Variants in EPM2A observed in about 807,000 individuals in gnomAD.
EPM2A encodes the protein laforin.
In EPM2A, 21 loss-of-function variants were observed where a neutral mutation model predicts 26.5. The ratio of observed to expected loss-of-function variants is 0.79; its 90% CI spans 0.56 to 1.14. EPM2A has a LOEUF of 1.14. Among genes scored for constraint, EPM2A ranks in the 50% most tolerant of loss-of-function variants. The pLI is 0.00. For synonymous variants in EPM2A, 217 were observed against 177.6 expected (o/e 1.22, Z -1.76); for missense variants, 458 against 440.8 (o/e 1.04, Z -0.35).
chr6:145,570,164 C>A (rs908910261), intron 2 of EPM2A, among the ~76,000 whole-genome samples: 4 of 152,106 alleles, frequency 2.6e-5, no homozygotes, highest in Non-Finnish European at 4.4e-5. Flanking sequence ...AAATGTTAAT[C>A]TCCTTTAGGG....
rs1302699842 is a variant in EPM2A, at chr6:145,422,258, CTA to C, written c.556-38163_556-38162del. ...TTGTATACATGATATATAAATATAA[CTA>C]TATATAATTATAGATTTGTATAATT... is the stretch of plus-strand genomic sequence containing the variant. On this transcript the variant is annotated intron_variant, in intron 4 of 4. Coordinates refer to the EPM2A transcript ENST00000638717. Among the ~76,000 whole-genome samples the C allele has an allele frequency of 2.8e-5, 4 of 145,190 alleles. No individual in the cohort carries two copies. The Admixed American group carries it at 2.8e-4, about 10-fold the overall frequency.
chr6:145,580,047 T>C (rs1165629867), intron 2 of EPM2A, among the ~76,000 whole-genome samples: 1 of 152,176 alleles, frequency 6.6e-6, no homozygotes, highest in Non-Finnish European at 1.5e-5. Context: ...TCTTAAAATT[T>C]TTTTAAAGAT....
intron 2 of EPM2A, among the ~76,000 whole-genome samples, chr6:145,595,851 G>A (rs1433283882): frequency 6.6e-6 from 1 of 151,784 alleles, no homozygotes; most frequent in Non-Finnish European, 1.5e-5. Flanking sequence ...GTCTTGGCTA[G>A]CATTTTCAGA....
intron 4 of EPM2A, among the ~76,000 whole-genome samples, chr6:145,434,711 A>C (rs1459051667): frequency 2.0e-5 from 3 of 152,180 alleles, no homozygotes; most frequent in Non-Finnish European, 4.4e-5. Context: ...CACCACCACT[A>C]TCTAATGCCA....
Position 145,597,467 on chromosome 6 carries a change from AT to A in EPM2A, c.340+37777del, listed in dbSNP as rs1177054458. 2.0e-3 allele frequency among the ~76,000 whole-genome samples: 275 copies of A among 140,126 alleles called. 1 individual carries two copies. The highest frequency in any genetic ancestry group is 7.2e-3 in the African/African-American group (271 of 37,440). The allele number at this position is 140,126 out of a possible 152,430, so 91.9% of individuals were successfully genotyped here. ...CAGATCCTTTGTATGTGACCTGTTT[AT>A]TTTTTTTTCTTTTTTTTGGTAAGTT... is the stretch of plus-strand genomic sequence containing the variant. On this transcript the variant is annotated intron_variant, in intron 2 of 3. Coordinates refer to the EPM2A transcript ENST00000450221.
intron 1 of EPM2A, among the ~76,000 whole-genome samples, chr6:145,697,044 C>G (rs1039163226): frequency 2.6e-5 from 4 of 151,952 alleles, no homozygotes; most frequent in Non-Finnish European, 4.4e-5. Flanking sequence ...TAACTTGGTG[C>G]ATAATAGGTT....
chr6:145,661,071 GA>G (rs1778670792), intron 2 of EPM2A, among the ~76,000 whole-genome samples: 1 of 152,074 alleles, frequency 6.6e-6, no homozygotes, highest in African/African-American at 2.4e-5. Flanking sequence ...CAGAGGCCCT[GA>G]AAAACAAAGT....
At position 145,560,235 on chromosome 6, in the gene EPM2A, C is replaced by A. The variant is rs185601617; in HGVS notation, c.341-57660G>T. ...CATTTCTGCTTAGGCTATATTCCAC[C>A]AATTTTGAATCTTTTCGATGCAATC... On this transcript the variant is annotated intron_variant, in intron 2 of 3. Coordinates refer to the EPM2A transcript ENST00000450221. Among the ~76,000 whole-genome samples, 1,171 of 152,198 alleles carry A rather than the reference C, an allele frequency of 7.7e-3. 16 individuals carry two copies. Among genetic ancestry groups the A allele is most frequent in the African/African-American group, 0.027 (1,115 of 41,524 alleles).
At chr6:145,412,225 A>AAAG (rs1043408882) in intron 4 of EPM2A, among the ~76,000 whole-genome samples, 5 of 151,960 alleles carry the variant, frequency 3.3e-5, no homozygotes. Flanking sequence ...AAAAAAAAAA[A>AAAG]AAAAAAAATT....
chr6:145,649,708 T>G (rs749506698), intron 2 of EPM2A, among the ~76,000 whole-genome samples: 1 of 152,218 alleles, frequency 6.6e-6, no homozygotes, highest in Non-Finnish European at 1.5e-5. Flanking sequence ...TTCCACCTAT[T>G]TTTGTAAATA....
rs540046961 is a variant in EPM2A, at chr6:145,531,377, G to A, written c.341-28802C>T. ...TTCTTAAAAATATGCTCAAAACACA[G>A]AAAGGGGGATTATGGGTAAAGACCC... On this transcript the variant is annotated intron_variant, in intron 2 of 3. Coordinates refer to the EPM2A transcript ENST00000450221. Among the ~76,000 whole-genome samples the A allele has an allele frequency of 2.4e-3, 361 of 152,250 alleles. 1 individual carries two copies. Among genetic ancestry groups the A allele is most frequent in the African/African-American group, 8.5e-3 (352 of 41,546 alleles).
intron 4 of EPM2A, among the ~76,000 whole-genome samples, chr6:145,386,811 A>C (rs1778268148): frequency 6.6e-6 from 1 of 152,212 alleles, no homozygotes; most frequent in South Asian, 2.1e-4. Flanking sequence ...GATAATCTTA[A>C]ACCAAATTTT....
At chr6:145,728,174 T>G (rs1776305717) in intron 1 of EPM2A, among the ~76,000 whole-genome samples, 1 of 152,212 alleles carries the variant, frequency 6.6e-6, no homozygotes, top group Non-Finnish European at 1.5e-5. Context: ...TCACTCAGTC[T>G]TAGGTCATTC....
intron 4 of EPM2A, among the ~76,000 whole-genome samples, chr6:145,429,098 A>T (rs1171579204): frequency 6.6e-6 from 1 of 152,220 alleles, no homozygotes; most frequent in Non-Finnish European, 1.5e-5. Context: ...TATTGTAGAC[A>T]TGAATATTAA....
At chr6:145,557,628 T>C (rs1016358025) in intron 2 of EPM2A, among the ~76,000 whole-genome samples, 1 of 152,134 alleles carries the variant, frequency 6.6e-6, no homozygotes, top group Non-Finnish European at 1.5e-5. Flanking sequence ...ATAGAAATTG[T>C]GTATATTTAC....
At chr6:145,641,796 G>GA (rs1777102595) in intron 2 of EPM2A, among the ~76,000 whole-genome samples, 1 of 152,068 alleles carries the variant, frequency 6.6e-6, no homozygotes, top group South Asian at 2.1e-4. Context: ...TCACATGAGG[G>GA]AAAAGATCAC....
chr6:145,547,119 A>C (rs956965984), intron 2 of EPM2A, among the ~76,000 whole-genome samples: 27 of 152,136 alleles, frequency 1.8e-4, no homozygotes, highest in African/African-American at 5.3e-4. Context: ...GGACTTGCTG[A>C]CAGCTATAAA....
chr6:145,424,986 C>CTACT (rs1554235690), intron 4 of EPM2A, among the ~76,000 whole-genome samples: 1 of 151,610 alleles, frequency 6.6e-6, no homozygotes, highest in Non-Finnish European at 1.5e-5. Context: ...CCATATCTAT[C>CTACT]TATTTATCTA....
chr6:145,525,803 C>A lies in EPM2A; in HGVS notation c.341-23228G>T, dbSNP rs543486014. ...TTCATTTCTTTCTCTTGCCTGATTG[C>A]TCTGGCTATGACTTCTAATACTATG... On this transcript the variant is annotated intron_variant, in intron 2 of 3. Coordinates refer to the EPM2A transcript ENST00000450221. Among the ~76,000 whole-genome samples the A allele has an allele frequency of 3.9e-5, 6 of 152,110 alleles. No individual in the cohort carries two copies. In the East Asian group the frequency reaches 9.7e-4, roughly 24 times the overall value.
Sources: gnomAD v4.1 joint callset for allele counts (sites outside exome capture counted in the v4.1 genomes callset) on GRCh38, gnomAD v4.1.1 for gene constraint, MANE v1.5 for transcripts, NCBI Gene and HGNC (gene_info 2026-07-23, HGNC 2026-07-21) for gene names.